The following SPACA1 variants were observed in gnomAD, a reference collection of about 807,000 sequenced individuals.
The protein encoded by SPACA1 is sperm acrosome membrane-associated protein 1.
Under a neutral mutation model 32.6 loss-of-function variants are expected in SPACA1, and 17 were observed. The ratio of observed to expected loss-of-function variants is 0.52; its 90% CI spans 0.36 to 0.78. The LOEUF is 0.78. Among genes scored for constraint, SPACA1 ranks in the 30% least tolerant of loss-of-function variants. SPACA1 has a pLI of 0.01. For missense variants in SPACA1, 363 were observed against 373.4 expected, an observed-to-expected ratio of 0.97 and a Z score of 0.23; for synonymous variants, 140 against 138.1, an observed-to-expected ratio of 1.01 and a Z score of -0.10.
Position 88,048,076 on chromosome 6 carries a change from G to T in SPACA1, c.171G>T (p.Glu57Asp). The change falls in exon 1 of 7, where the codon GAG becomes GAT. Residue 57 changes from glutamate to aspartate, a missense_variant. Glu to Asp is a conservative substitution (Grantham distance 45). Coordinates refer to ENST00000237201, the MANE Select transcript of SPACA1 (RefSeq NM_030960.3). Reference protein sequence around the residue: ...GEEETENNDSETAENYAPPET... With the variant: ...GEEETENNDSDTAENYAPPET... Reference sequence around the variant, plus strand: ...AGGAGACCGAAAACAACGACAGCGAGACCGCGGAGAACTACGCTCCGCCTG... The same window carrying T: ...AGGAGACCGAAAACAACGACAGCGATACCGCGGAGAACTACGCTCCGCCTG... The T allele has an allele frequency of 6.2e-7, 1 of 1,601,686 alleles. No individual in the cohort carries two copies. The highest frequency in any genetic ancestry group is 8.5e-7 in the Non-Finnish European group (1 of 1,175,580).
intron 3 of SPACA1, 118 bp from the exon 4 acceptor site, chr6:88,058,598 C>T (rs1775844595): frequency 1.5e-6 from 1 of 649,170 alleles, no homozygotes; most frequent in South Asian, 2.0e-5. Context: ...AAGATCATGC[C>T]ACTCTACTCC....
chr6:88,066,086 CATATAT>C (rs925570954), intron 6 of SPACA1, 90 bp from the exon 7 acceptor site: 5 of 903,508 alleles, frequency 5.5e-6, no homozygotes, highest in African/African-American at 1.7e-5. Flanking sequence ...CACACACACA[CATATAT>C]ATATATTTCT....
chr6:88,048,048 A>G lies in SPACA1; in HGVS notation c.143A>G (p.Glu48Gly), dbSNP rs936433024. 1 of 1,603,890 alleles carries G rather than the reference A, an allele frequency of 6.2e-7. No homozygotes were observed. The highest frequency in any genetic ancestry group is 1.3e-5 in the African/African-American group (1 of 74,890). The part of the protein sequence containing the change: ...DAGLAHEGEG[E>G]EETENNDSET... ...GGCCTGGCCCACGAAGGCGAGGGCGAGGAGGAGACCGAAAACAACGACAGC... is the reference window on the plus strand; with the variant it reads ...GGCCTGGCCCACGAAGGCGAGGGCGGGGAGGAGACCGAAAACAACGACAGC... The change falls in exon 1 of 7, where the codon GAG becomes GGG. Residue 48 changes from glutamate (E) to glycine (G), a missense_variant. Transcript: ENST00000237201.
In SPACA1 at chr6:88,064,052, C is replaced by T. The variant is rs372424156; in HGVS notation, c.611-47C>T. 27 of 1,551,538 alleles carry T rather than the reference C, an allele frequency of 1.7e-5. No individual in the cohort carries two copies. The African/African-American group carries it at 2.1e-4, about 12-fold the overall frequency. ...AAACTTTTAAGTTAGATATTCATTT[C>T]CTTTTCCTCAGTAGTAATACTCCTT... On this transcript the variant is annotated intron_variant, in intron 5 of 6. Transcript: ENST00000237201.
At chr6:88,064,868 TTATA>T (rs1775954365) in intron 6 of SPACA1, among the ~76,000 whole-genome samples, 1 of 147,968 alleles carries the variant, frequency 6.8e-6, no homozygotes, top group Non-Finnish European at 1.5e-5. Context: ...TATATATTAT[TTATA>T]TATAATATAT....
chr6:88,054,923 C>T (rs928819729), intron 2 of SPACA1, among the ~76,000 whole-genome samples: 15 of 152,148 alleles, frequency 9.9e-5, no homozygotes, highest in African/African-American at 2.2e-4. Flanking sequence ...CCGCCCATCT[C>T]GAGAACTTTT....
intron 4 of SPACA1, among the ~76,000 whole-genome samples, chr6:88,059,051 T>C (rs1295854647): frequency 2.0e-5 from 3 of 152,254 alleles, no homozygotes; most frequent in Non-Finnish European, 4.4e-5. Context: ...ACGTCTATTT[T>C]ACACAAAGTA....
chr6:88,050,413 A>G (rs1319105538), intron 1 of SPACA1, among the ~76,000 whole-genome samples: 1 of 152,218 alleles, frequency 6.6e-6, no homozygotes, highest in Admixed American at 6.5e-5. Flanking sequence ...TATACAATCA[A>G]TTTCATCATC....
chr6:88,059,985 G>A (rs2127800912), intron 5 of SPACA1, among the ~76,000 whole-genome samples: 1 of 152,170 alleles, frequency 6.6e-6, no homozygotes, highest in Non-Finnish European at 1.5e-5. Context: ...GAATTCTCAT[G>A]GATGCTTATG....
intron 4 of SPACA1, among the ~76,000 whole-genome samples, chr6:88,059,138 G>A (rs1339687754): frequency 1.3e-5 from 2 of 152,070 alleles, no homozygotes; most frequent in African/African-American, 2.4e-5. Context: ...ATTAATTAAG[G>A]GTTTATTAAG....
rs1191628427 is a variant in SPACA1, at chr6:88,047,932, C to T, written c.27C>T (p.Ser9=). ...TGAGCCCCAGGGGCACGGGCTGCTCCGCCGGGCTGCTGATGACTGTCGGCT... is the reference window on the plus strand; with the variant it reads ...TGAGCCCCAGGGGCACGGGCTGCTCTGCCGGGCTGCTGATGACTGTCGGCT... MSPRGTGC[S]AGLLMTVGWL... is the part of the protein sequence containing the mutation. Residue 9 remains serine (S), a synonymous_variant, in exon 1 of 7, where the codon TCC becomes TCT. Transcript: ENST00000237201. The T allele has an allele frequency of 6.4e-7, 1 of 1,563,214 alleles. No homozygotes were observed. The highest frequency in any genetic ancestry group is 1.2e-5 in the South Asian group (1 of 84,962).
rs774249361 is a variant in SPACA1, at chr6:88,053,964, TCAAAGA to T, written c.228_233del (p.Lys77_Glu78del). ...TGTTTAGTTTCAAATAGGAATGTCG[TCAAAGA>T]AGTAGAATTCGGAATGTGCACCGTT... On this transcript the variant is annotated inframe_deletion, in exon 2 of 7. Coordinates refer to ENST00000237201, the MANE Select transcript of SPACA1 (RefSeq NM_030960.3). 5.6e-6 allele frequency: 9 copies of T among 1,613,548 alleles called. No homozygotes were observed. The highest frequency in any genetic ancestry group is 7.6e-6 in the Non-Finnish European group (9 of 1,179,668).
At chr6:88,060,369 C>A (rs1310607578) in intron 5 of SPACA1, among the ~76,000 whole-genome samples, 2 of 152,042 alleles carry the variant, frequency 1.3e-5, no homozygotes, top group African/African-American at 2.4e-5. Flanking sequence ...ATCCTTTTTC[C>A]AGAAAAATGT....
rs1243096344 is a variant in SPACA1, at chr6:88,065,689, A to G, written c.732-493A>G. 5.3e-5 allele frequency among the ~76,000 whole-genome samples: 8 copies of G among 151,046 alleles called. No individual in the cohort carries two copies. In the South Asian group the frequency reaches 8.3e-4, roughly 16 times the overall value. On this transcript the variant is annotated intron_variant, in intron 6 of 6. Coordinates refer to ENST00000237201, the MANE Select transcript of SPACA1 (RefSeq NM_030960.3). Reference sequence around the variant, plus strand: ...TTCCAAAAGAATTATTTTTTTGAGTATGTCCCAGACCCCCCACCCCTGTAA... The same window carrying G: ...TTCCAAAAGAATTATTTTTTTGAGTGTGTCCCAGACCCCCCACCCCTGTAA...
intron 2 of SPACA1, 69 bp from the exon 3 acceptor site, chr6:88,057,543 T>C: frequency 9.8e-7 from 1 of 1,017,902 alleles, no homozygotes; most frequent in South Asian, 1.4e-5. Context: ...AAGACCTAGG[T>C]GGGAAAGTGA....
intron 1 of SPACA1, among the ~76,000 whole-genome samples, chr6:88,048,550 G>A (rs1775680645): frequency 6.6e-6 from 1 of 151,834 alleles, no homozygotes; most frequent in African/African-American, 2.4e-5. Context: ...CCTTTACGAC[G>A]ATACACCCAG....
At chr6:88,049,089 C>T (rs1004311123) in intron 1 of SPACA1, among the ~76,000 whole-genome samples, 2 of 152,048 alleles carry the variant, frequency 1.3e-5, no homozygotes, top group Admixed American at 6.6e-5. Flanking sequence ...ACAGTGGGAT[C>T]GAGGTTTGCA....
At chr6:88,058,919 A>C in intron 4 of SPACA1, 97 bp downstream of exon 4, 2 of 770,404 alleles carry the variant, frequency 2.6e-6, no homozygotes, top group Non-Finnish European at 4.0e-6. Context: ...TTTTAAAAGC[A>C]GTTTGCCAAA....
chr6:88,052,201 A>G (rs1775737440), intron 1 of SPACA1, among the ~76,000 whole-genome samples: 1 of 152,236 alleles, frequency 6.6e-6, no homozygotes, highest in South Asian at 2.1e-4. Flanking sequence ...AAGGGACTTT[A>G]GAAACTTTCT....
Sources: allele counts gnomAD v4.1 joint callset (sites outside exome capture counted in the v4.1 genomes callset), GRCh38; gene constraint gnomAD v4.1.1; transcripts MANE v1.5; gene names NCBI Gene and HGNC (gene_info 2026-07-23, HGNC 2026-07-21).